Variants in ARHGAP32 observed in about 807,000 individuals in gnomAD.
The protein encoded by ARHGAP32 is rho GTPase-activating protein 32.
A neutral mutation model predicts 186.5 loss-of-function variants in ARHGAP32; 51 were observed. The observed-to-expected ratio is 0.27, with a 90% CI of 0.22 to 0.35. ARHGAP32 has a LOEUF of 0.35. Ranked by LOEUF, ARHGAP32 falls within the 10% of genes least tolerant of loss-of-function variation. The probability of loss-of-function intolerance (pLI) is 1.00; values close to 1 mark genes in which losing one functional copy is unlikely to be tolerated. For synonymous variants in ARHGAP32, 950 were observed against 964.3 expected (o/e 0.99, Z 0.27); for missense variants, 2,186 against 2,623.5 (o/e 0.83, Z 3.64).
chr11:129,021,578 A>T (rs2134895768), intron 11 of ARHGAP32, among the ~76,000 whole-genome samples: 1 of 152,212 alleles, frequency 6.6e-6, no homozygotes, highest in South Asian at 2.1e-4. Context: ...TATTATCTAC[A>T]TTACACACTT....
intron 2 of ARHGAP32, among the ~76,000 whole-genome samples, chr11:129,145,986 G>A (rs531997317): frequency 1.3e-5 from 2 of 152,138 alleles, no homozygotes; most frequent in South Asian, 4.1e-4. Flanking sequence ...CCTGGGCTTT[G>A]CATATTAATC....
At chr11:129,103,335 A>G (rs1483425903) in intron 5 of ARHGAP32, among the ~76,000 whole-genome samples, 2 of 152,166 alleles carry the variant, frequency 1.3e-5, no homozygotes, top group Non-Finnish European at 2.9e-5. Flanking sequence ...AAACAGGTCA[A>G]TGAAAAGTAT....
At chr11:129,157,667 T>C (rs749375865) in intron 2 of ARHGAP32, among the ~76,000 whole-genome samples, 11 of 152,166 alleles carry the variant, frequency 7.2e-5, no homozygotes, top group Non-Finnish European at 1.2e-4. Context: ...CAAGATATTA[T>C]CCAGGAGAAC....
At chr11:129,080,637 T>C (rs1313011638) in intron 6 of ARHGAP32, among the ~76,000 whole-genome samples, 1 of 152,058 alleles carries the variant, frequency 6.6e-6, no homozygotes, top group Non-Finnish European at 1.5e-5. Flanking sequence ...ATTAAATGCC[T>C]ACATCAAAAA....
chr11:128,990,548 T>C (rs1946018660), intron 12 of ARHGAP32, among the ~76,000 whole-genome samples: 1 of 152,196 alleles, frequency 6.6e-6, no homozygotes, highest in Admixed American at 6.5e-5. Context: ...CTAAAAATAT[T>C]CAAGACTTTC....
intron 11 of ARHGAP32, among the ~76,000 whole-genome samples, chr11:129,007,134 C>T (rs1282149913): frequency 6.6e-6 from 1 of 152,074 alleles, no homozygotes; most frequent in Non-Finnish European, 1.5e-5. Flanking sequence ...AGTGGGCTCC[C>T]CTCTGGCCCA....
intron 3 of ARHGAP32, among the ~76,000 whole-genome samples, chr11:129,124,205 T>G (rs533047095): frequency 6.6e-6 from 1 of 152,268 alleles, no homozygotes; most frequent in South Asian, 2.1e-4. Flanking sequence ...TCAAATACAT[T>G]TTATACAGAG....
chr11:128,994,499 T>C (rs919976775), intron 12 of ARHGAP32, among the ~76,000 whole-genome samples: 3 of 152,072 alleles, frequency 2.0e-5, no homozygotes, highest in African/African-American at 4.8e-5. Context: ...TTTAACATGT[T>C]ACATGGTGTT....
At position 128,988,132 on chromosome 11, in the gene ARHGAP32, A is replaced by G. The variant is rs1279333522; in HGVS notation, c.1196-7T>C. ...CTTTGAAGAACCTGCGGCACTAAAG[A>G]GAATTTGTAAAGAAACAGATGAAAT... On this transcript the variant is annotated splice_polypyrimidine_tract_variant and splice_region_variant and intron_variant, in intron 12 of 22. Coordinates refer to ENST00000682385, the MANE Select transcript of ARHGAP32 (RefSeq NM_001378024.1). 8.1e-6 allele frequency: 13 copies of G among 1,604,084 alleles called. No individual in the cohort carries two copies. Among genetic ancestry groups the G allele is most frequent in the Non-Finnish European group, 1.1e-5 (13 of 1,172,580 alleles).
chr11:128,970,334 A>G lies in ARHGAP32; in HGVS notation c.4879T>C (p.Cys1627Arg). ...TTATATTGGTACAGAGGTCTTGGGC[A>G]GTAGGCTGGCTCATCATCTGGGGGA... ...EVPPDDEPAY[C>R]PRPLYQYKPY... Residue 1627 changes from cysteine to arginine, a missense_variant, in exon 23 of 23, where the codon TGC becomes CGC. Around this residue, in one of 5 missense-constraint regions of ARHGAP32, gnomAD observed 1,502 missense variants for 1,570.0 expected, o/e 0.96. Coordinates refer to ENST00000682385, the MANE Select transcript of ARHGAP32 (RefSeq NM_001378024.1). The surrounding 1 kb of genome is among the most constrained non-coding windows in gnomAD (Gnocchi z 5.8). 6.2e-7 allele frequency: 1 copy of G among 1,614,212 alleles called. No individual in the cohort carries two copies. The highest frequency in any genetic ancestry group is 8.5e-7 in the Non-Finnish European group (1 of 1,180,040).
intron 11 of ARHGAP32, among the ~76,000 whole-genome samples, chr11:129,021,496 A>G (rs997950631): frequency 2.0e-5 from 3 of 152,092 alleles, no homozygotes; most frequent in African/African-American, 7.2e-5. Context: ...ACAACACAGA[A>G]CCTGCTCATG....
In ARHGAP32 at chr11:128,998,455, G is replaced by A. The variant is rs368011235; in HGVS notation, c.1059C>T (p.His353=). The A allele has an allele frequency of 7.1e-6, 11 of 1,551,222 alleles. No individual in the cohort carries two copies. Among genetic ancestry groups the A allele is most frequent in the African/African-American group, 4.1e-5 (3 of 73,482 alleles). ...NSVPKPVSKK[H]GKLITFLRTF... ...TTCGTAAGAACGTAATGAGCTTGCC[G>A]TGCTTTTTAGACACTAAAAATCAAT... Residue 353 remains histidine, a synonymous_variant, in exon 12 of 23, where the codon CAC becomes CAT. Transcript: ENST00000682385.
intron 2 of ARHGAP32, among the ~76,000 whole-genome samples, chr11:129,139,054 A>T (rs1362656848): frequency 6.6e-6 from 1 of 152,214 alleles, no homozygotes; most frequent in African/African-American, 2.4e-5. Context: ...CTTTCCTCTT[A>T]TCAAAATTTT....
chr11:129,115,228 A>G (rs1002969841), intron 5 of ARHGAP32, among the ~76,000 whole-genome samples: 2 of 152,088 alleles, frequency 1.3e-5, no homozygotes, highest in African/African-American at 4.8e-5. Flanking sequence ...CACTGAAAAT[A>G]CTACTTTAAA....
At chr11:128,994,439 G>A (rs2077281393) in intron 12 of ARHGAP32, among the ~76,000 whole-genome samples, 1 of 152,120 alleles carries the variant, frequency 6.6e-6, no homozygotes, top group Admixed American at 6.5e-5. Flanking sequence ...ACAGGCATGA[G>A]CCACCCTGCT....
chr11:128,989,515 T>TACACAC (rs1555065707), intron 12 of ARHGAP32, among the ~76,000 whole-genome samples: 1,084 of 87,220 alleles, frequency 0.012, 6 homozygotes, highest in Non-Finnish European at 0.017. Flanking sequence ...TGTTTTTTAT[T>TACACAC]TCACACACAC....
chr11:129,277,796 A>G (rs1242731741), intron 1 of ARHGAP32, among the ~76,000 whole-genome samples: 1 of 152,206 alleles, frequency 6.6e-6, no homozygotes, highest in Non-Finnish European at 1.5e-5. Context: ...CTTCACAAAC[A>G]GCCCCATTAA....
At chr11:129,221,773 C>T (rs191838569) in intron 1 of ARHGAP32, among the ~76,000 whole-genome samples, 1 of 151,942 alleles carries the variant, frequency 6.6e-6, no homozygotes, top group Non-Finnish European at 1.5e-5. Flanking sequence ...GATCACACCC[C>T]TGCACCCTAG....
intron 1 of ARHGAP32, among the ~76,000 whole-genome samples, chr11:129,268,174 C>A (rs1945429931): frequency 1.3e-5 from 2 of 152,018 alleles, no homozygotes; most frequent in South Asian, 4.2e-4. Context: ...AAAACCTTGT[C>A]CTATGAGGAA....
Sources: gnomAD v4.1 joint callset for allele counts (sites outside exome capture counted in the v4.1 genomes callset) on GRCh38, gnomAD v4.1.1 for gene constraint, gnomAD v4.1.1 regional missense constraint, Gnocchi (gnomAD v3.1) non-coding constraint, MANE v1.5 for transcripts, NCBI Gene and HGNC (gene_info 2026-07-23, HGNC 2026-07-21) for gene names.